Variants in DOC2A observed in about 807,000 individuals in gnomAD.
DOC2A encodes the protein double C2 domain alpha, also known as double C2-like domain-containing protein alpha.
A neutral mutation model predicts 40.6 loss-of-function variants in DOC2A; 28 were observed. The ratio of observed to expected loss-of-function variants is 0.69; its 90% CI spans 0.51 to 0.95. The LOEUF (loss-of-function observed/expected upper bound fraction) is 0.95. DOC2A is among the 40% of genes least tolerant of loss of function. DOC2A has a pLI of 0.00. For synonymous variants in DOC2A, 241 were observed against 236.9 expected, an observed-to-expected ratio of 1.02 and a Z score of -0.16; for missense variants, 474 against 552.5, an observed-to-expected ratio of 0.86 and a Z score of 1.42.
At chr16:30,011,815 A>G (rs2070786322), upstream of DOC2A, 2 of 152,016 alleles carry the variant, frequency 1.3e-5, no homozygotes, top group African/African-American at 4.8e-5. Flanking sequence ...CCAGGGGCCC[A>G]TGTCCCCTTA....
Position 30,009,361 on chromosome 16 carries a change from A to C in DOC2A, c.343-85T>G. ...GTAGAGCTGGACCCTGGAGGAGCCCAGAAGGAGGGGGCAAGGGCAGGACGA... is the reference window on the plus strand; with the variant it reads ...GTAGAGCTGGACCCTGGAGGAGCCCCGAAGGAGGGGGCAAGGGCAGGACGA... On this transcript the variant is annotated intron_variant, in intron 3 of 10. Transcript: ENST00000350119. This position sits in a 1 kb window ranked among gnomAD's most constrained non-coding sequence, Gnocchi z 4.1. The C allele has an allele frequency of 6.7e-7, 1 of 1,496,680 alleles. No individual in the cohort carries two copies. The highest frequency in any genetic ancestry group is 9.1e-7 in the Non-Finnish European group (1 of 1,098,310). 92.7% of individuals were successfully genotyped at this position (1,496,680 alleles called of 1,614,324 possible).
chr16:30,006,764 A>T lies in DOC2A; in HGVS notation c.878+21T>A. On this transcript the variant is annotated intron_variant, in intron 8 of 10. Transcript: ENST00000350119. This position sits in a 1 kb window ranked among gnomAD's most constrained non-coding sequence, Gnocchi z 6.2. ...CCAGGGCAGGCTCCCTGGGGAGGAG[A>T]GGGTCAGAGCAAGGGCTCACGTCTT... 2 of 1,613,706 alleles carry T rather than the reference A, an allele frequency of 1.2e-6. No homozygotes were observed. The highest frequency in any genetic ancestry group is 1.7e-6 in the Non-Finnish European group (2 of 1,179,942).
upstream of DOC2A, among the ~76,000 whole-genome samples, chr16:30,022,447 G>C (rs984516372): frequency 6.6e-5 from 10 of 152,034 alleles, no homozygotes; most frequent in Non-Finnish European, 1.3e-4. Flanking sequence ...GAAGCTGGAG[G>C]ATCACCTGAG....
intron 1 of DOC2A, among the ~76,000 whole-genome samples, chr16:30,018,092 C>T (rs1424032532): frequency 3.8e-5 from 5 of 130,740 alleles, no homozygotes; most frequent in African/African-American, 1.4e-4. Flanking sequence ...ATAGTGAAAT[C>T]CTATTTCTAC....
At chr16:30,007,598 G>A in intron 5 of DOC2A, 1 of 463,176 alleles carries the variant, frequency 2.2e-6, no homozygotes, top group East Asian at 4.3e-5. Flanking sequence ...ACACCACGGT[G>A]GATGTGGCCA....
In DOC2A at chr16:30,010,602, T is replaced by G; in HGVS notation, c.-14+301A>C. ...GGGCCCTGCAGGGCCCCGCCTCTGT[T>G]TCTCGGAGGCTCTGTCCTCCTCTGC... On this transcript the variant is annotated intron_variant, in intron 1 of 10. Coordinates refer to ENST00000350119, the MANE Select transcript of DOC2A (RefSeq NM_003586.3). The surrounding 1 kb of genome is among the most constrained non-coding windows in gnomAD (Gnocchi z 4.2). 6.1e-6 allele frequency: 2 copies of G among 327,782 alleles called. No individual in the cohort carries two copies. Among genetic ancestry groups the G allele is most frequent in the Non-Finnish European group, 5.9e-6 (1 of 169,812 alleles). The allele number at this position is 327,782 out of a possible 1,614,324, so 20.3% of individuals were successfully genotyped here. A position where few individuals can be genotyped will look rare whatever the true frequency, so the allele number is the denominator to read the frequency against.
In DOC2A at chr16:30,007,072, T is replaced by C. The variant is rs1417970643; in HGVS notation, c.673A>G (p.Met225Val). 4.3e-6 allele frequency: 7 copies of C among 1,613,570 alleles called. No individual in the cohort carries two copies. Among genetic ancestry groups the C allele is most frequent in the Non-Finnish European group, 5.9e-6 (7 of 1,179,900 alleles). Residue 225 changes from methionine to valine, a missense_variant, in exon 7 of 11, where the codon ATG (methionine) becomes GTG (valine). By Grantham distance (21) the Met-to-Val change is conservative (BLOSUM62 1). Transcript: ENST00000350119. ...GAGATGCCCCTCAGCGCCGCTGACA[T>C]GGAAGAGGGGGACGCCAGCTGAGGG... ...RQVPLASPSSMSAALRGISCY... is the reference protein window; with the variant it reads ...RQVPLASPSSVSAALRGISCY...
In DOC2A at chr16:30,006,673, G is replaced by C. The variant is rs1461734700; in HGVS notation, c.883C>G (p.Leu295Val). Residue 295 changes from leucine to valine, a missense_variant, in exon 9 of 11, where the codon CTG becomes GTG. By Grantham distance (32) the Leu-to-Val change is conservative. Transcript: ENST00000350119. The surrounding 1 kb of genome is among the most constrained non-coding windows in gnomAD (Gnocchi z 6.2). Reference protein sequence around the residue: ...GYSDPYVKTYLRPDVDKKSKH... With the variant: ...GYSDPYVKTYVRPDVDKKSKH... The stretch of plus-strand genomic sequence containing the variant: ...GATTTCTTGTCCACATCGGGCCTCA[G>C]GTACCTGGGGGTGGGGTGGAGGGAG... 6.2e-7 allele frequency: 1 copy of C among 1,613,812 alleles called. No individual in the cohort carries two copies. The highest frequency in any genetic ancestry group is 2.2e-5 in the East Asian group (1 of 44,802).
chr16:30,013,274 T>C (rs555280016), upstream of DOC2A, among the ~76,000 whole-genome samples: 190 of 147,606 alleles, frequency 1.3e-3, 1 homozygote, highest in African/African-American at 4.6e-3. Context: ...CTTTTCTTTT[T>C]TTTTTTTTTG....
At position 30,007,098 on chromosome 16, in the gene DOC2A, G is replaced by A. The variant is rs1343651145; in HGVS notation, c.655-8C>T. 6 of 1,613,850 alleles carry A rather than the reference G, an allele frequency of 3.7e-6. No homozygotes were observed. Among genetic ancestry groups the A allele is most frequent in the East Asian group, 2.2e-5 (1 of 44,878 alleles). On this transcript the variant is annotated splice_polypyrimidine_tract_variant and splice_region_variant and intron_variant, in intron 6 of 10. Transcript: ENST00000350119. ...GGAAGAGGGGGACGCCAGCTGAGGGGGCAAAGAGAAGGTTCTGGAAGCCTG... is the reference window on the plus strand; with the variant it reads ...GGAAGAGGGGGACGCCAGCTGAGGGAGCAAAGAGAAGGTTCTGGAAGCCTG...
chr16:30,013,966 C>T (rs891607661), upstream of DOC2A, among the ~76,000 whole-genome samples: 4 of 152,054 alleles, frequency 2.6e-5, no homozygotes, highest in African/African-American at 4.8e-5. Context: ...CCGCCTGCTT[C>T]GGTCTCCCAA....
chr16:30,018,824 ATGCT>A (rs1312890123), intron 1 of DOC2A: 1 of 152,294 alleles, frequency 6.6e-6, no homozygotes, highest in East Asian at 1.9e-4. Context: ...ACAAGGCCCC[ATGCT>A]GAGTTGGCTG....
chr16:30,010,885 C>G lies in DOC2A; in HGVS notation c.-14+18G>C, dbSNP rs1369516717. 1 of 1,014,440 alleles carries G rather than the reference C, an allele frequency of 9.9e-7. No individual in the cohort carries two copies. The highest frequency in any genetic ancestry group is 1.2e-6 in the Non-Finnish European group (1 of 846,496). 62.8% of individuals were successfully genotyped at this position (1,014,440 alleles called of 1,614,324 possible). ...CCGCACCCTCACGCCCCCGGCCTGC[C>G]CAGCCCCCTGCACCTGCCTCTGCCT... On this transcript the variant is annotated intron_variant, in intron 1 of 10. Coordinates refer to ENST00000350119, the MANE Select transcript of DOC2A (RefSeq NM_003586.3). The surrounding 1 kb of genome is among the most constrained non-coding windows in gnomAD (Gnocchi z 4.2).
chr16:30,007,415 C>T (rs548522305), intron 5 of DOC2A, 116 bp from the exon 6 acceptor site: 83 of 1,446,316 alleles, frequency 5.7e-5, no homozygotes, highest in Non-Finnish European at 7.5e-5. Context: ...ATCTGGAAGA[C>T]AGGCTGGCAC....
intron 5 of DOC2A, 85 bp downstream of exon 5, chr16:30,008,911 T>TA (rs1343907522): frequency 2.1e-6 from 2 of 953,704 alleles, no homozygotes; most frequent in African/African-American, 3.2e-5. Context: ...GGTACGGGCT[T>TA]AATGGGACAT....
Position 30,006,150 on chromosome 16 carries a change from G to A in DOC2A, c.*36C>T, listed in dbSNP as rs376932342. On this transcript the variant is annotated 3_prime_UTR_variant, in exon 11 of 11. Coordinates refer to ENST00000350119, the MANE Select transcript of DOC2A (RefSeq NM_003586.3). This position sits in a 1 kb window ranked among gnomAD's most constrained non-coding sequence, Gnocchi z 6.2. ...CGTGCGAAGGTTGGGTACTGGACCC[G>A]GCTCGATGGGCCTGTGCCGGGACAC... The A allele has an allele frequency of 2.5e-4, 382 of 1,551,006 alleles. No homozygotes were observed. The highest frequency in any genetic ancestry group is 2.9e-4 in the Non-Finnish European group (332 of 1,146,212).
At chr16:30,014,797 G>C (rs754493456), upstream of DOC2A, among the ~76,000 whole-genome samples, 1 of 151,698 alleles carries the variant, frequency 6.6e-6, no homozygotes, top group Non-Finnish European at 1.5e-5. Context: ...AATTAGCTGG[G>C]CATGTTGGCG....
At chr16:30,007,608 A>G (rs2070657189) in intron 5 of DOC2A, 2 of 445,062 alleles carry the variant, frequency 4.5e-6, no homozygotes, top group Non-Finnish European at 8.4e-6. Flanking sequence ...GGATGTGGCC[A>G]TAGACACAGG....
chr16:30,010,084 C>T lies in DOC2A; in HGVS notation c.139G>A (p.Gly47Arg), dbSNP rs200009355. ...PRGPGPEGGG[G>R]GGGEAPAHLV... ...TGGGCGGGGGCCTCCCCGCCGCCCC[C>T]GCCGCCCCCTTCAGGTCCTGGTCCC... Residue 47 changes from glycine (G) to arginine (R), a missense_variant, in exon 2 of 11, where the codon GGG becomes AGG. Gly to Arg is a moderately radical substitution (Grantham distance 125, BLOSUM62 -2). Coordinates refer to ENST00000350119, the MANE Select transcript of DOC2A (RefSeq NM_003586.3). This position sits in a 1 kb window ranked among gnomAD's most constrained non-coding sequence, Gnocchi z 4.2. 2.8e-4 allele frequency: 445 copies of T among 1,612,204 alleles called. 2 individuals are homozygous for T. Among genetic ancestry groups the T allele is most frequent in the Admixed American group, 1.1e-3 (65 of 59,954 alleles).
Sources: gnomAD v4.1 joint callset for allele counts (sites outside exome capture counted in the v4.1 genomes callset) on GRCh38, gnomAD v4.1.1 for gene constraint, Gnocchi (gnomAD v3.1) non-coding constraint, MANE v1.5 for transcripts, NCBI Gene and HGNC (gene_info 2026-07-23, HGNC 2026-07-21) for gene names.